The following CCDC181 variants were observed in gnomAD, a reference collection of about 807,000 sequenced individuals.
The protein encoded by CCDC181 is coiled-coil domain-containing protein 181.
CCDC181 carries 35 observed loss-of-function variants against 58.7 expected under a neutral mutation model. The observed-to-expected ratio is 0.60, with a 90% CI of 0.46 to 0.79. The LOEUF (loss-of-function observed/expected upper bound fraction) is 0.79, where lower values mean the gene tolerates loss of function less well. Ranked by LOEUF, CCDC181 falls within the 30% of genes least tolerant of loss-of-function variation. The pLI, the probability that CCDC181 is intolerant of heterozygous loss-of-function variation, is 0.00. For synonymous variants in CCDC181, 183 were observed against 197.5 expected, an observed-to-expected ratio of 0.93 and a Z score of 0.62; for missense variants, 517 against 583.9, an observed-to-expected ratio of 0.89 and a Z score of 1.18.
At chr1:169,405,965 C>T (rs1655627018) in intron 4 of CCDC181, among the ~76,000 whole-genome samples, 1 of 151,892 alleles carries the variant, frequency 6.6e-6, no homozygotes, top group African/African-American at 2.4e-5. Flanking sequence ...AAAAAAACAA[C>T]CCCATCAAAA....
chr1:169,439,579 T>G (rs964217729), intron 2 of CCDC181, among the ~76,000 whole-genome samples: 1 of 152,098 alleles, frequency 6.6e-6, no homozygotes, highest in South Asian at 2.1e-4. Flanking sequence ...GGACTCACAG[T>G]AGCATCTCGG....
upstream of CCDC181, among the ~76,000 whole-genome samples, chr1:169,432,142 A>G (rs1656937710): frequency 6.6e-6 from 1 of 152,130 alleles, no homozygotes; most frequent in African/African-American, 2.4e-5. Flanking sequence ...GGAAATATCA[A>G]TAAATTGAAA....
intron 4 of CCDC181, among the ~76,000 whole-genome samples, chr1:169,403,404 G>C (rs938048213): frequency 2.0e-5 from 3 of 152,122 alleles, no homozygotes; most frequent in African/African-American, 7.2e-5. Flanking sequence ...GACCACATAG[G>C]TGAAAGTAAA....
chr1:169,396,035 A>T (rs1287238710), intron 5 of CCDC181: 1 of 152,198 alleles, frequency 6.6e-6, no homozygotes, highest in Non-Finnish European at 1.5e-5. Context: ...ATAAATGGAT[A>T]TGGGCTGGAT....
chr1:169,425,629 A>G (rs923976088), intron 1 of CCDC181, among the ~76,000 whole-genome samples: 2 of 152,112 alleles, frequency 1.3e-5, no homozygotes, highest in Non-Finnish European at 2.9e-5. Context: ...TATTATATCT[A>G]ACTACCTACC....
At chr1:169,431,781 G>T (rs1369628398), upstream of CCDC181, among the ~76,000 whole-genome samples, 2 of 152,134 alleles carry the variant, frequency 1.3e-5, no homozygotes, top group African/African-American at 2.4e-5. Context: ...TCCTCCTATT[G>T]ATGAGGGTCT....
At chr1:169,403,861 A>T (rs1003902938) in intron 4 of CCDC181, among the ~76,000 whole-genome samples, 1 of 152,214 alleles carries the variant, frequency 6.6e-6, no homozygotes, top group African/African-American at 2.4e-5. Flanking sequence ...AAAAAAATCA[A>T]TGAATCCAGG....
At position 169,427,115 on chromosome 1, in the gene CCDC181, G is replaced by A. The variant is rs116617368; in HGVS notation, c.-24+173C>T. On this transcript the variant is annotated intron_variant, in intron 1 of 5. Transcript: ENST00000367806. ...AAGGTGTTACCAGACTTCCCCACCA[G>A]TGCCAGACTCGGTGGACCTCGGACT... Among the ~76,000 whole-genome samples, 299 of 152,204 alleles carry A rather than the reference G, an allele frequency of 2.0e-3. 4 individuals are homozygous for A. Among genetic ancestry groups the A allele is most frequent in the African/African-American group, 7.0e-3 (290 of 41,516 alleles).
chr1:169,404,505 C>G (rs767712293), intron 4 of CCDC181, among the ~76,000 whole-genome samples: 41 of 152,262 alleles, frequency 2.7e-4, no homozygotes, highest in Non-Finnish European at 4.4e-4. Flanking sequence ...CCTGGTTCAA[C>G]GTATGCAAAT....
intron 4 of CCDC181, among the ~76,000 whole-genome samples, chr1:169,405,842 G>T (rs928803140): frequency 1.3e-5 from 2 of 152,252 alleles, no homozygotes; most frequent in East Asian, 3.9e-4. Flanking sequence ...CACAGCAAAA[G>T]AAACTACCAT....
chr1:169,416,804 C>T (rs1003621228), intron 4 of CCDC181, among the ~76,000 whole-genome samples: 1 of 151,938 alleles, frequency 6.6e-6, no homozygotes, highest in African/African-American at 2.4e-5. Flanking sequence ...TCTGCCTTGC[C>T]TGTGAAAGTA....
intron 4 of CCDC181, 55 bp downstream of exon 4, chr1:169,418,958 A>G (rs1464352439): frequency 8.3e-6 from 12 of 1,438,634 alleles, no homozygotes; most frequent in Non-Finnish European, 1.2e-5. Context: ...CCTTCTATAA[A>G]TAAGTTCAGC....
chr1:169,408,981 C>T (rs563560003), intron 4 of CCDC181, among the ~76,000 whole-genome samples: 6 of 152,200 alleles, frequency 3.9e-5, no homozygotes, highest in Non-Finnish European at 7.3e-5. Flanking sequence ...TGCCTCTTCT[C>T]CTCCAAAGGA....
At position 169,403,646 on chromosome 1, in the gene CCDC181, G is replaced by A. The variant is rs567379456; in HGVS notation, c.1216-6255C>T. Among the ~76,000 whole-genome samples, 297 of 152,300 alleles carry A rather than the reference G, an allele frequency of 2.0e-3. 3 individuals carry two copies. Among genetic ancestry groups the A allele is most frequent in the African/African-American group, 6.9e-3 (288 of 41,558 alleles). ...AGACACAACATACAAGAATCTCTGGGACACATTTAAAGCAGTGTGTAGAGT... is the reference window on the plus strand; with the variant it reads ...AGACACAACATACAAGAATCTCTGGAACACATTTAAAGCAGTGTGTAGAGT... On this transcript the variant is annotated intron_variant, in intron 4 of 5. Coordinates refer to ENST00000367806, the MANE Select transcript of CCDC181 (RefSeq NM_001300969.2).
At chr1:169,405,563 T>G (rs931927983) in intron 4 of CCDC181, among the ~76,000 whole-genome samples, 1 of 152,204 alleles carries the variant, frequency 6.6e-6, no homozygotes. Flanking sequence ...GCGGAAGGAT[T>G]CCCTATTTAA....
chr1:169,430,624 C>T (rs906562763), upstream of CCDC181, among the ~76,000 whole-genome samples: 3 of 151,312 alleles, frequency 2.0e-5, no homozygotes, highest in African/African-American at 7.3e-5. Context: ...CTACTGTTAC[C>T]GGTGGAGGGT....
chr1:169,424,451 T>C (rs1356961356), intron 2 of CCDC181, among the ~76,000 whole-genome samples: 2 of 151,932 alleles, frequency 1.3e-5, no homozygotes, highest in Admixed American at 6.6e-5. Context: ...CATAACCCCA[T>C]GATTTTACCC....
chr1:169,428,258 G>T (rs192189533), upstream of CCDC181, among the ~76,000 whole-genome samples: 18 of 152,208 alleles, frequency 1.2e-4, no homozygotes, highest in Admixed American at 2.6e-4. Flanking sequence ...CTTCCTAGAT[G>T]TGGTGTAGTT....
intron 5 of CCDC181, among the ~76,000 whole-genome samples, chr1:169,396,885 A>C (rs1052533036): frequency 6.6e-6 from 1 of 152,140 alleles, no homozygotes; most frequent in African/African-American, 2.4e-5. Context: ...TCTGAGGGCT[A>C]TGTAGGAGAA....
Sources: allele counts gnomAD v4.1 joint callset (sites outside exome capture counted in the v4.1 genomes callset), GRCh38; gene constraint gnomAD v4.1.1; transcripts MANE v1.5; gene names NCBI Gene and HGNC (gene_info 2026-07-23, HGNC 2026-07-21).